The following CDKAL1 variants were observed in gnomAD, a reference collection of about 807,000 sequenced individuals.
The protein encoded by CDKAL1 is CDKAL1 threonylcarbamoyladenosine tRNA methylthiotransferase.
In CDKAL1, 32 loss-of-function variants were observed where a neutral mutation model predicts 68.2. The ratio of observed to expected loss-of-function variants is 0.47; its 90% CI spans 0.35 to 0.63. The LOEUF (loss-of-function observed/expected upper bound fraction) is 0.63. Among genes scored for constraint, CDKAL1 ranks in the 30% least tolerant of loss-of-function variants. CDKAL1 has a pLI of 0.00. For missense variants in CDKAL1, 606 were observed against 696.7 expected (o/e 0.87, Z 1.47); for synonymous variants, 234 against 244.3 (o/e 0.96, Z 0.39).
At chr6:21,214,478 T>A (rs1483292557) in intron 15 of CDKAL1, among the ~76,000 whole-genome samples, 2 of 152,010 alleles carry the variant, frequency 1.3e-5, no homozygotes, top group Non-Finnish European at 2.9e-5. Flanking sequence ...TGCTGCTCCT[T>A]GAACATGAAC....
intron 10 of CDKAL1, among the ~76,000 whole-genome samples, chr6:20,983,703 A>T (rs922150982): frequency 2.0e-5 from 3 of 152,244 alleles, no homozygotes; most frequent in African/African-American, 7.2e-5. Flanking sequence ...CCTGGGCAAC[A>T]GAGCGAGATG....
intron 5 of CDKAL1, among the ~76,000 whole-genome samples, chr6:20,716,013 C>T (rs190829330): frequency 1.3e-5 from 2 of 152,212 alleles, no homozygotes; most frequent in East Asian, 3.9e-4. Flanking sequence ...TGAGAGACAG[C>T]TAGTGCGTGC....
intron 4 of CDKAL1, among the ~76,000 whole-genome samples, chr6:20,644,364 T>A (rs1290480277): frequency 6.6e-6 from 1 of 152,104 alleles, no homozygotes; most frequent in Admixed American, 6.6e-5. Flanking sequence ...AATACAAAAC[T>A]GATAGAGTTC....
intron 8 of CDKAL1, among the ~76,000 whole-genome samples, chr6:20,788,410 T>G (rs1459723265): frequency 6.6e-6 from 1 of 152,254 alleles, no homozygotes; most frequent in Admixed American, 6.5e-5. Flanking sequence ...TGGTTATTAT[T>G]CATGTTCTTC....
intron 5 of CDKAL1, among the ~76,000 whole-genome samples, chr6:20,705,999 G>A (rs6901559): frequency 0.34 from 51,794 of 151,932 alleles, 10,850 homozygotes; most frequent in African/African-American, 0.58. Context: ...GCAGCAGACC[G>A]TCTCCATGGG....
intron 4 of CDKAL1, among the ~76,000 whole-genome samples, chr6:20,604,078 T>C (rs956735887): frequency 6.6e-6 from 1 of 151,968 alleles, no homozygotes; most frequent in African/African-American, 2.4e-5. Context: ...ACTGTGAAAA[T>C]TGAGTGCCAT....
At position 21,039,268 on chromosome 6, in the gene CDKAL1, G is replaced by A. The variant is rs150859325; in HGVS notation, c.1056-25780G>A. 2.0e-4 allele frequency among the ~76,000 whole-genome samples: 31 copies of A among 152,230 alleles called. No homozygotes were observed. In the East Asian group the frequency reaches 2.3e-3, roughly 11 times the overall value. On this transcript the variant is annotated intron_variant, in intron 11 of 15. Coordinates refer to ENST00000274695, the MANE Select transcript of CDKAL1 (RefSeq NM_017774.3). ...AATCTAACACCTGATGATCTGAGGCGGAACAATTTCATCCTGAAACCATCT... is the reference window on the plus strand; with the variant it reads ...AATCTAACACCTGATGATCTGAGGCAGAACAATTTCATCCTGAAACCATCT...
chr6:21,126,180 A>G (rs1775002975), intron 13 of CDKAL1, among the ~76,000 whole-genome samples: 1 of 152,194 alleles, frequency 6.6e-6, no homozygotes. Context: ...TCATATTTAA[A>G]ATCGATCTTT....
chr6:20,950,298 A>G (rs1764459883), intron 9 of CDKAL1, among the ~76,000 whole-genome samples: 1 of 151,658 alleles, frequency 6.6e-6, no homozygotes, highest in African/African-American at 2.4e-5. Flanking sequence ...CTAATTTTGT[A>G]TTTTTAGTAG....
chr6:21,069,123 T>C (rs948954045), intron 12 of CDKAL1, among the ~76,000 whole-genome samples: 2 of 152,206 alleles, frequency 1.3e-5, no homozygotes, highest in East Asian at 3.8e-4. Flanking sequence ...ATAGTCATAG[T>C]TTTAATTTTT....
chr6:20,848,855 C>T (rs1472434027), intron 9 of CDKAL1, among the ~76,000 whole-genome samples: 2 of 150,900 alleles, frequency 1.3e-5, no homozygotes, highest in East Asian at 3.9e-4. Context: ...TGTCATGGTA[C>T]AGTCAGAGCT....
intron 9 of CDKAL1, among the ~76,000 whole-genome samples, chr6:20,915,877 G>C (rs985926779): frequency 6.6e-6 from 1 of 152,002 alleles, no homozygotes; most frequent in South Asian, 2.1e-4. Context: ...TGGTAAAAAG[G>C]AGCAGGTCTT....
intron 3 of CDKAL1, 45 bp downstream of exon 3, chr6:20,546,568 T>G: frequency 1.9e-6 from 3 of 1,540,070 alleles, no homozygotes; most frequent in African/African-American, 1.4e-5. Context: ...TTTTTTTTTC[T>G]TTTGAGACAG....
rs115500309 is a variant in CDKAL1 at position 20,712,558 on chromosome 6, A to G, written c.372-26961A>G. ...AAAAGAAAATTTAAAAAAAGAAAAG[A>G]AAAAAACACCTAATCAGAGGTAAGC... On this transcript the variant is annotated intron_variant, in intron 5 of 15. Transcript: ENST00000274695. Among the ~76,000 whole-genome samples the G allele has an allele frequency of 2.3e-3, 343 of 152,208 alleles. 2 individuals carry two copies. Among genetic ancestry groups the G allele is most frequent in the African/African-American group, 6.8e-3 (282 of 41,552 alleles).
chr6:20,799,348 G>A (rs1036572204), intron 8 of CDKAL1, among the ~76,000 whole-genome samples: 5 of 151,942 alleles, frequency 3.3e-5, no homozygotes, highest in East Asian at 1.9e-4. Context: ...CACCGTGCCC[G>A]GCCTAGAACT....
intron 11 of CDKAL1, among the ~76,000 whole-genome samples, chr6:21,049,817 C>CTTTTTTTTTT: frequency 7.3e-6 from 1 of 137,144 alleles, no homozygotes; most frequent in Non-Finnish European, 1.6e-5. Flanking sequence ...GTCTCTCATC[C>CTTTTTTTTTT]TTTTTTTTTT....
At chr6:21,204,023 A>C (rs577066315) in intron 15 of CDKAL1, among the ~76,000 whole-genome samples, 18 of 152,280 alleles carry the variant, frequency 1.2e-4, no homozygotes, top group South Asian at 1.0e-3. Flanking sequence ...GATGCTAAGA[A>C]CATCAATATT....
At chr6:20,687,105 T>A (rs1012999384) in intron 5 of CDKAL1, among the ~76,000 whole-genome samples, 2 of 152,228 alleles carry the variant, frequency 1.3e-5, no homozygotes, top group Non-Finnish European at 2.9e-5. Context: ...TATGGATGAT[T>A]TTATATCTAT....
intron 4 of CDKAL1, among the ~76,000 whole-genome samples, chr6:20,550,222 C>A (rs905280534): frequency 7.2e-5 from 11 of 152,112 alleles, no homozygotes; most frequent in Non-Finnish European, 1.3e-4. Flanking sequence ...AGGTGATTTA[C>A]CTGCCTTGGC....
Sources: gnomAD v4.1 joint callset for allele counts (sites outside exome capture counted in the v4.1 genomes callset) on GRCh38, gnomAD v4.1.1 for gene constraint, MANE v1.5 for transcripts, NCBI Gene and HGNC (gene_info 2026-07-23, HGNC 2026-07-21) for gene names.